The following ADGB variants were observed in gnomAD, a reference collection of about 807,000 sequenced individuals.
ADGB encodes the protein androglobin, also known as calpain-7-like protein.
In ADGB, 172 loss-of-function variants were observed where a neutral mutation model predicts 210.5. The observed-to-expected ratio is 0.82, with a 90% CI of 0.72 to 0.93. The LOEUF (loss-of-function observed/expected upper bound fraction) is 0.93, where lower values mean the gene tolerates loss of function less well. Among genes scored for constraint, ADGB ranks in the 40% least tolerant of loss-of-function variants. The pLI is 0.00. For synonymous variants in ADGB, 658 were observed against 662.7 expected, an observed-to-expected ratio of 0.99 and a Z score of 0.11; for missense variants, 2,025 against 1,964.8, an observed-to-expected ratio of 1.03 and a Z score of -0.58.
intron 33 of ADGB, among the ~76,000 whole-genome samples, chr6:146,799,818 G>GTTGTTT (rs1449122116): frequency 6.6e-6 from 1 of 151,830 alleles, no homozygotes; most frequent in Non-Finnish European, 1.5e-5. Context: ...TGTTGTTGTT[G>GTTGTTT]TTGTTTTCTG....
intron 1 of ADGB, among the ~76,000 whole-genome samples, chr6:146,610,501 T>C (rs1780691320): frequency 6.6e-6 from 1 of 152,202 alleles, no homozygotes; most frequent in Non-Finnish European, 1.5e-5. Flanking sequence ...GTTGTTGTCA[T>C]TGGGATGGGG....
chr6:146,644,072 G>A (rs911206523), intron 2 of ADGB, among the ~76,000 whole-genome samples: 5 of 151,746 alleles, frequency 3.3e-5, no homozygotes, highest in African/African-American at 1.2e-4. Context: ...TGGGAGCATA[G>A]GTATGGCTAT....
At chr6:146,644,142 G>T (rs1775569514) in intron 2 of ADGB, among the ~76,000 whole-genome samples, 1 of 151,710 alleles carries the variant, frequency 6.6e-6, no homozygotes, top group African/African-American at 2.4e-5. Context: ...GACTGTCAAT[G>T]CCAATATCCT....
At chr6:146,617,078 A>G (rs1780813344) in intron 1 of ADGB, among the ~76,000 whole-genome samples, 1 of 151,964 alleles carries the variant, frequency 6.6e-6, no homozygotes. Context: ...AATTTATGAG[A>G]ATGAGATTTT....
chr6:146,724,562 T>A, intron 18 of ADGB: 1 of 311,756 alleles, frequency 3.2e-6, no homozygotes, highest in Non-Finnish European at 5.7e-6. Flanking sequence ...ATTCTGGGAA[T>A]ATATTTAGTC....
At chr6:146,801,061 T>G in intron 33 of ADGB, 122 bp from the exon 34 acceptor site, 1 of 430,862 alleles carries the variant, frequency 2.3e-6, no homozygotes, top group Non-Finnish European at 4.0e-6. Flanking sequence ...ATAAGACAAG[T>G]CCGGTGAATG....
intron 29 of ADGB, among the ~76,000 whole-genome samples, chr6:146,775,447 A>C (rs929761368): frequency 2.0e-5 from 3 of 152,140 alleles, no homozygotes; most frequent in Non-Finnish European, 4.4e-5. Flanking sequence ...CTGCTTACTG[A>C]GATGGTTCAT....
chr6:146,675,488 A>T (rs930657915), intron 8 of ADGB, among the ~76,000 whole-genome samples: 15 of 152,072 alleles, frequency 9.9e-5, no homozygotes, highest in African/African-American at 3.4e-4. Context: ...GAAAAAAAAA[A>T]GCTAAGGTAT....
chr6:146,679,833 A>T lies in ADGB; in HGVS notation c.1216+3392A>T, dbSNP rs192145887. On this transcript the variant is annotated intron_variant, in intron 9 of 35. Transcript: ENST00000397944. The stretch of plus-strand genomic sequence containing the variant: ...CATTAATTACAAATACCGAAGTTCT[A>T]TAAGAATGAATAAATCATACCCTTC... 1.4e-3 allele frequency among the ~76,000 whole-genome samples: 214 copies of T among 152,358 alleles called. 2 individuals carry two copies. Among genetic ancestry groups the T allele is most frequent in the African/African-American group, 5.0e-3 (208 of 41,602 alleles).
chr6:146,804,925 A>G (rs1255712364), intron 35 of ADGB, among the ~76,000 whole-genome samples: 1 of 152,274 alleles, frequency 6.6e-6, no homozygotes, highest in Non-Finnish European at 1.5e-5. Context: ...AAGATCACAG[A>G]TAATACCTAA....
intron 9 of ADGB, among the ~76,000 whole-genome samples, chr6:146,680,977 G>A (rs1043054449): frequency 6.6e-6 from 1 of 152,162 alleles, no homozygotes; most frequent in Admixed American, 6.6e-5. Context: ...GAGCTTGGAG[G>A]ATTGCAGGTG....
At chr6:146,619,109 C>A (rs1780846734) in intron 1 of ADGB, among the ~76,000 whole-genome samples, 1 of 151,920 alleles carries the variant, frequency 6.6e-6, no homozygotes, top group African/African-American at 2.4e-5. Context: ...TATGTAATAA[C>A]CATATATATA....
At chr6:146,676,144 T>A (rs1776079835) in intron 8 of ADGB, among the ~76,000 whole-genome samples, 169 bp from the exon 9 acceptor site, 1 of 152,158 alleles carries the variant, frequency 6.6e-6, no homozygotes, top group Non-Finnish European at 1.5e-5. Context: ...CCTGGCTTTA[T>A]CATGGTGTTT....
At chr6:146,780,424 C>T (rs1018647701) in intron 29 of ADGB, among the ~76,000 whole-genome samples, 1 of 152,114 alleles carries the variant, frequency 6.6e-6, no homozygotes, top group African/African-American at 2.4e-5. Flanking sequence ...GGCCAACAAA[C>T]ACATGACCTA....
chr6:146,756,943 TCTCAAACTCCTGAC>T (rs1283190166), intron 27 of ADGB, among the ~76,000 whole-genome samples: 2 of 151,972 alleles, frequency 1.3e-5, no homozygotes, highest in Non-Finnish European at 2.9e-5. Flanking sequence ...GCCATGCTGG[TCTCAAACTCCTGAC>T]CTCAAGTGAT....
intron 1 of ADGB, among the ~76,000 whole-genome samples, chr6:146,618,647 G>T (rs1051047010): frequency 1.3e-5 from 2 of 150,970 alleles, no homozygotes; most frequent in Non-Finnish European, 3.0e-5. Flanking sequence ...TAATCACCAT[G>T]AATTTTTACA....
Position 146,635,381 on chromosome 6 carries a change from T to C in ADGB, c.81T>C (p.Tyr27=), listed in dbSNP as rs372331147. 1.3e-6 allele frequency: 2 copies of C among 1,510,774 alleles called. No homozygotes were observed. Among genetic ancestry groups the C allele is most frequent in the Non-Finnish European group, 1.8e-6 (2 of 1,128,078 alleles). The allele number at this position is 1,510,774 out of a possible 1,614,324, so 93.6% of individuals were successfully genotyped here. A position where few individuals can be genotyped will look rare whatever the true frequency, so the allele number is the denominator to read the frequency against. The stretch of plus-strand genomic sequence containing the variant: ...ACTCTCTGTCTCTGTCTAGTTTCTA[T>C]CCTTTTGGCAGTAATGTACAATCTG... ...AHGSDKSKDF[Y]PFGSNVQSGS... Residue 27 remains tyrosine, a synonymous_variant, in exon 2 of 36, where the codon TAT becomes TAC. Transcript: ENST00000397944.
intron 1 of ADGB, among the ~76,000 whole-genome samples, chr6:146,625,960 A>G (rs1583564311): frequency 1.3e-5 from 2 of 151,516 alleles, no homozygotes; most frequent in East Asian, 1.9e-4. Flanking sequence ...TTTGCTATTC[A>G]TTTTCTTTTT....
At chr6:146,602,286 T>A (rs2114821132) in intron 1 of ADGB, among the ~76,000 whole-genome samples, 1 of 152,294 alleles carries the variant, frequency 6.6e-6, no homozygotes, top group Middle Eastern at 3.4e-3. Flanking sequence ...CATGTCCTGT[T>A]CTCCCTTCCC....
Sources: allele counts gnomAD v4.1 joint callset (sites outside exome capture counted in the v4.1 genomes callset), GRCh38; gene constraint gnomAD v4.1.1; transcripts MANE v1.5; gene names NCBI Gene and HGNC (gene_info 2026-07-23, HGNC 2026-07-21).